FANCB: variants seen among roughly 807,000 people sequenced by gnomAD.
FANCB encodes the protein FA complementation group B.
Under a neutral mutation model 38.9 loss-of-function variants are expected in FANCB, and 5 were observed. The ratio of observed to expected loss-of-function variants is 0.13; its 90% CI spans 0.07 to 0.27. The LOEUF (loss-of-function observed/expected upper bound fraction) is 0.27, where lower values mean the gene tolerates loss of function less well. FANCB is among the 10% of genes least tolerant of loss of function. The probability of loss-of-function intolerance (pLI) is 1.00; values close to 1 mark genes in which losing one functional copy is unlikely to be tolerated. For missense variants in FANCB, 573 were observed against 602.7 expected (o/e 0.95, Z 0.52); for synonymous variants, 236 against 215.4 (o/e 1.10, Z -0.84).
intron 2 of FANCB, among the ~76,000 whole-genome samples, chrX:14,866,021 A>G (rs1310549209): frequency 1.8e-5 from 2 of 111,389 alleles, no homozygotes; most frequent in Non-Finnish European, 3.8e-5. Flanking sequence ...ACTCTCCCCA[A>G]ATACGTTGAT....
At chrX:14,718,271 C>G in the FANCB span, among the ~76,000 whole-genome samples, 1 of 111,848 alleles carries the variant, frequency 8.9e-6, no homozygotes, top group African/African-American at 3.2e-5. Flanking sequence ...TGTACTTAGA[C>G]TGGCATTTTT....
the FANCB span, among the ~76,000 whole-genome samples, chrX:14,811,062 A>C: frequency 1.8e-5 from 2 of 111,236 alleles, no homozygotes; most frequent in African/African-American, 6.5e-5. Context: ...TATCCAGCCA[A>C]AGTAAGCTTC....
the FANCB span, among the ~76,000 whole-genome samples, chrX:14,741,571 G>A: frequency 9.0e-6 from 1 of 111,650 alleles, no homozygotes; most frequent in Non-Finnish European, 1.9e-5. Context: ...AGCACCAAGT[G>A]CCAGGTAGCA....
At chrX:14,716,435 A>G in the FANCB span, among the ~76,000 whole-genome samples, 2 of 111,857 alleles carry the variant, frequency 1.8e-5, no homozygotes, top group Non-Finnish European at 3.8e-5. Context: ...TAAAGTGAGT[A>G]GAAGAGGATG....
the FANCB span, among the ~76,000 whole-genome samples, chrX:14,782,161 G>A: frequency 8.9e-6 from 1 of 111,807 alleles, no homozygotes; most frequent in Non-Finnish European, 1.9e-5. Context: ...CTTAGCCTGA[G>A]GTCTTAATCT....
At chrX:14,782,489 T>C in the FANCB span, among the ~76,000 whole-genome samples, 1 of 112,368 alleles carries the variant, frequency 8.9e-6, no homozygotes, top group Admixed American at 9.4e-5. Context: ...CCACTGTCAG[T>C]GTATCTTACT....
At chrX:14,813,486 A>AT in the FANCB span, among the ~76,000 whole-genome samples, 20 of 111,875 alleles carry the variant, frequency 1.8e-4, no homozygotes, top group Non-Finnish European at 3.2e-4. Flanking sequence ...TACAAAATCA[A>AT]TGTACAAAAA....
chrX:14,780,800 CT>C, the FANCB span, among the ~76,000 whole-genome samples: 1 of 105,853 alleles, frequency 9.4e-6, no homozygotes, highest in Non-Finnish European at 1.9e-5. Flanking sequence ...ACAAAATATT[CT>C]TGGTTTTTTT....
In FANCB at chrX:14,844,594, A is replaced by G. The variant is rs1368759204; in HGVS notation, c.2074T>C (p.Tyr692His). 1.7e-6 allele frequency: 2 copies of G among 1,209,640 alleles called. No individual in the cohort carries two copies. Among genetic ancestry groups the G allele is most frequent in the Non-Finnish European group, 2.2e-6 (2 of 893,515 alleles). ...CEIIKEFPEV[Y>H]FCERPGSFYG... is the part of the protein sequence containing the mutation. ...AAACTTCCCGGTCTTTCACAAAAGT[A>G]CACTTCTGGAAATTCTTTGATTATT... The change falls in exon 9 of 10, where the codon TAC (tyrosine) becomes CAC (histidine). Residue 692 changes from tyrosine (Y) to histidine (H), a missense_variant. Physicochemically the swap from Tyr to His is moderately conservative, Grantham distance 83 (BLOSUM62 2). Coordinates refer to ENST00000650831, the MANE Select transcript of FANCB (RefSeq NM_001018113.3).
At chrX:14,791,972 T>C in the FANCB span, among the ~76,000 whole-genome samples, 1 of 111,828 alleles carries the variant, frequency 8.9e-6, no homozygotes, top group Non-Finnish European at 1.9e-5. Context: ...CAGAACAGCC[T>C]CCATTTCTTT....
chrX:14,705,184 T>TGC, the FANCB span, among the ~76,000 whole-genome samples: 2 of 112,388 alleles, frequency 1.8e-5, no homozygotes, highest in African/African-American at 6.5e-5. Flanking sequence ...AGCCTTATCC[T>TGC]GCCTTGCTGA....
chrX:14,861,671 C>T (rs2092447317), intron 3 of FANCB, among the ~76,000 whole-genome samples: 1 of 111,178 alleles, frequency 9.0e-6, no homozygotes, highest in Non-Finnish European at 1.9e-5. Context: ...AAATCTTTTC[C>T]CTTGTAGTAT....
At chrX:14,730,525 T>C in the FANCB span, 2 of 1,039,916 alleles carry the variant, frequency 1.9e-6, no homozygotes, top group African/African-American at 4.0e-5. Context: ...GCCTCAGTGT[T>C]GTGCTTGTAA....
the FANCB span, among the ~76,000 whole-genome samples, chrX:14,810,629 A>T: frequency 9.0e-6 from 1 of 111,625 alleles, no homozygotes; most frequent in Non-Finnish European, 1.9e-5. Flanking sequence ...AAGAATAAAA[A>T]GAAACGAACA....
At chrX:14,780,815 T>G in the FANCB span, among the ~76,000 whole-genome samples, 13 of 102,513 alleles carry the variant, frequency 1.3e-4, no homozygotes, top group Admixed American at 1.4e-3. Flanking sequence ...TTTTTTTTGT[T>G]TTTTTTTTCC....
chrX:14,760,867 A>T, the FANCB span, among the ~76,000 whole-genome samples: 1 of 111,052 alleles, frequency 9.0e-6, no homozygotes, highest in Non-Finnish European at 1.9e-5. Flanking sequence ...GCTACTCAGG[A>T]GGCTGAGGCA....
At chrX:14,859,032 T>C (rs2092435233) in intron 4 of FANCB, 150 bp downstream of exon 4, 1 of 392,042 alleles carries the variant, frequency 2.6e-6, no homozygotes, top group Non-Finnish European at 4.5e-6. Context: ...ATTCAATGTA[T>C]ATATTTAAAA....
intron 3 of FANCB, among the ~76,000 whole-genome samples, chrX:14,861,922 G>C (rs1300857778): frequency 1.8e-5 from 2 of 110,361 alleles, no homozygotes; most frequent in African/African-American, 3.3e-5. Context: ...TCAGCTCACT[G>C]CAACCTCCAC....
the FANCB span, among the ~76,000 whole-genome samples, chrX:14,774,758 A>G: frequency 8.9e-6 from 1 of 112,069 alleles, no homozygotes; most frequent in Non-Finnish European, 1.9e-5. Context: ...AGCCCTGGCC[A>G]TGTCTCTTTA....
Sources: gnomAD v4.1 joint callset for allele counts (sites outside exome capture counted in the v4.1 genomes callset) on GRCh38, gnomAD v4.1.1 for gene constraint, MANE v1.5 for transcripts, NCBI Gene and HGNC (gene_info 2026-07-23, HGNC 2026-07-21) for gene names.